ZNF91: variants seen among roughly 807,000 people sequenced by gnomAD.
ZNF91 encodes zinc finger protein 91.
Under a neutral mutation model 12.6 loss-of-function variants are expected in ZNF91, and 7 were observed. The observed-to-expected ratio is 0.55, with a 90% CI of 0.31 to 1.04. The LOEUF (loss-of-function observed/expected upper bound fraction) is 1.04, where lower values mean the gene tolerates loss of function less well. Among genes scored for constraint, ZNF91 ranks in the 50% least tolerant of loss-of-function variants. The pLI is 0.05. For synonymous variants in ZNF91, 453 were observed against 462.6 expected, an observed-to-expected ratio of 0.98 and a Z score of 0.27; for missense variants, 1,217 against 1,385.4, an observed-to-expected ratio of 0.88 and a Z score of 1.93.
At chr19:23,331,296 TAAAG>T (rs1298982428) in intron 1 of ZNF91, among the ~76,000 whole-genome samples, 2 of 152,296 alleles carry the variant, frequency 1.3e-5, no homozygotes, top group African/African-American at 4.8e-5. Context: ...ATTAAGTTAA[TAAAG>T]AAATACAAGT....
chr19:23,340,899 TAACTC>T (rs1221582392), intron 3 of ZNF91, among the ~76,000 whole-genome samples: 3 of 151,660 alleles, frequency 2.0e-5, no homozygotes, highest in African/African-American at 7.2e-5. Flanking sequence ...TACTTACAAA[TAACTC>T]AAACAACTCA....
At chr19:23,335,379 G>T (rs1361337710), downstream of ZNF91, among the ~76,000 whole-genome samples, 3 of 152,220 alleles carry the variant, frequency 2.0e-5, no homozygotes, top group Non-Finnish European at 4.4e-5. Flanking sequence ...TAAGTCTGCA[G>T]AAGTTTCTGC....
rs71163494 is a variant in ZNF91, at chr19:23,368,562, C to CTATATATATATATA, written c.253+5179_253+5180insTATATATATATATA. On this transcript the variant is annotated intron_variant, in intron 3 of 3. Transcript: ENST00000300619. ...TCTCTCTCTCTCTCTCTCTCTCTCT[C>CTATATATATATATA]TATATATATATGAAACACATGACAT... Among the ~76,000 whole-genome samples, 21 of 118,630 alleles carry CTATATATATATATA rather than the reference C, an allele frequency of 1.8e-4. 1 individual carries two copies. Among genetic ancestry groups the CTATATATATATATA allele is most frequent in the South Asian group, 6.5e-4 (2 of 3,090 alleles). The allele number at this position is 118,630 out of a possible 152,430, so 77.8% of individuals were successfully genotyped here.
At chr19:23,380,799 C>A (rs1428327663) in intron 1 of ZNF91, 1 of 152,156 alleles carries the variant, frequency 6.6e-6, no homozygotes, top group African/African-American at 2.4e-5. Flanking sequence ...TCTATCTCTG[C>A]TGCTCTCTAA....
intron 3 of ZNF91, among the ~76,000 whole-genome samples, chr19:23,372,029 T>C (rs1249813969): frequency 6.6e-6 from 1 of 152,226 alleles, no homozygotes; most frequent in Non-Finnish European, 1.5e-5. Flanking sequence ...ATTATGTTAT[T>C]ATTTAGTTAC....
At chr19:23,391,368 C>T (rs1429303078) in intron 1 of ZNF91, among the ~76,000 whole-genome samples, 3 of 152,170 alleles carry the variant, frequency 2.0e-5, no homozygotes, top group African/African-American at 7.2e-5. Flanking sequence ...CCATACAACC[C>T]CATTTTATGT....
In ZNF91 at chr19:23,360,674, G is replaced by A; in HGVS notation, c.2305C>T (p.Pro769Ser). Residue 769 changes from proline (P) to serine (S), a missense_variant, in exon 4 of 4, where the codon CCC becomes TCC. Pro to Ser is a moderately conservative substitution (Grantham distance 74). Around this residue, in one of 2 missense-constraint regions of ZNF91, gnomAD observed 726 missense variants for 895.5 expected, o/e 0.81. Coordinates refer to ENST00000300619, the MANE Select transcript of ZNF91 (RefSeq NM_003430.4). Reference sequence around the variant, plus strand: ...TTGCCACATTCTTTACATTTGAAGGGTTTCTCTCTAGTATGAATTCTTTTA... The same window carrying A: ...TTGCCACATTCTTTACATTTGAAGGATTTCTCTCTAGTATGAATTCTTTTA... ...KHKRIHTREKPFKCKECGKAF... is the reference protein window; with the variant it reads ...KHKRIHTREKSFKCKECGKAF... The A allele has an allele frequency of 6.2e-7, 1 of 1,613,664 alleles. No homozygotes were observed.
intron 3 of ZNF91, among the ~76,000 whole-genome samples, chr19:23,373,346 TTA>T (rs200251921): frequency 0.1 from 8,857 of 84,820 alleles, 323 homozygotes; most frequent in Admixed American, 0.15. Context: ...TCATGTAATC[TTA>T]TATATATATA....
At position 23,395,432 on chromosome 19, in the gene ZNF91, G is replaced by C; in HGVS notation, c.-78C>G. On this transcript the variant is annotated 5_prime_UTR_variant, in exon 1 of 4. Coordinates refer to ENST00000300619, the MANE Select transcript of ZNF91 (RefSeq NM_003430.4). ...CTCCTGGAGCAGAGGACACAGAGCA[G>C]TGAAGTCGAGACCTGGAAACTCCGG... 2 of 1,555,996 alleles carry C rather than the reference G, an allele frequency of 1.3e-6. No individual in the cohort carries two copies. The highest frequency in any genetic ancestry group is 8.8e-7 in the Non-Finnish European group (1 of 1,141,348).
Position 23,374,716 on chromosome 19 carries a change from A to G in ZNF91, c.79T>C (p.Trp27Arg). The G allele has an allele frequency of 6.2e-7, 1 of 1,613,026 alleles. No homozygotes were observed. The highest frequency in any genetic ancestry group is 1.1e-5 in the South Asian group (1 of 91,042). ...DVAIEFSPEE[W>R]QCLDTAQQNL... is the part of the protein sequence containing the mutation. ...TGCTGTGCAGTGTCCAGACATTGCC[A>G]CTCCTCCGGAGAGAATTCTATGGCC... Residue 27 changes from tryptophan (W) to arginine (R), a missense_variant, in exon 2 of 4, where the codon TGG (tryptophan) becomes CGG (arginine). Physicochemically the swap from Trp to Arg is moderately radical, Grantham distance 101 (BLOSUM62 -3). Transcript: ENST00000300619.
intron 3 of ZNF91, among the ~76,000 whole-genome samples, chr19:23,366,576 C>T (rs1414137157): frequency 1.3e-5 from 2 of 152,168 alleles, no homozygotes; most frequent in Admixed American, 6.5e-5. Flanking sequence ...AAGTCTGTGC[C>T]AGCATCTGCT....
At chr19:23,336,756 A>ATTAT (rs912942436), downstream of ZNF91, among the ~76,000 whole-genome samples, 2 of 152,072 alleles carry the variant, frequency 1.3e-5, no homozygotes, top group Non-Finnish European at 1.5e-5. Flanking sequence ...ATCTGCCTAA[A>ATTAT]TTATTTATTT....
At chr19:23,334,742 T>C (rs1005499253), downstream of ZNF91, among the ~76,000 whole-genome samples, 1 of 152,164 alleles carries the variant, frequency 6.6e-6, no homozygotes, top group Admixed American at 6.5e-5. Flanking sequence ...TGGAGATATA[T>C]GTAAAATAAT....
At chr19:23,313,386 G>T, upstream of ZNF91, among the ~76,000 whole-genome samples, 1 of 152,210 alleles carries the variant, frequency 6.6e-6, no homozygotes, top group East Asian at 1.9e-4. Context: ...AGGGGGGATT[G>T]TGACCTGTGA....
At chr19:23,323,234 TCTC>T (rs761905688) in intron 1 of ZNF91, among the ~76,000 whole-genome samples, 43 of 145,850 alleles carry the variant, frequency 2.9e-4, no homozygotes, top group African/African-American at 1.1e-3. Flanking sequence ...CTCTCCTTCT[TCTC>T]CTCTCCTTTC....
intron 1 of ZNF91, among the ~76,000 whole-genome samples, chr19:23,382,042 C>T (rs1969735761): frequency 7.9e-6 from 1 of 126,182 alleles, no homozygotes; most frequent in African/African-American, 3.3e-5. Flanking sequence ...TAAAGACAAT[C>T]CTGAGACAAA....
downstream of ZNF91, among the ~76,000 whole-genome samples, chr19:23,337,279 ATT>A (rs1007675600): frequency 1.3e-5 from 2 of 151,918 alleles, no homozygotes; most frequent in Non-Finnish European, 2.9e-5. Flanking sequence ...CCAATAAAAC[ATT>A]TGTTTTATAT....
At chr19:23,386,468 A>C (rs1408060583) in intron 1 of ZNF91, among the ~76,000 whole-genome samples, 1 of 152,228 alleles carries the variant, frequency 6.6e-6, no homozygotes, top group Non-Finnish European at 1.5e-5. Context: ...AAACTCATAG[A>C]TGAATGTAAC....
chr19:23,337,555 TATAAAGACAC>T (rs1181290534), downstream of ZNF91, among the ~76,000 whole-genome samples: 2 of 149,004 alleles, frequency 1.3e-5, no homozygotes, highest in South Asian at 4.2e-4. Context: ...CAGAAATCAA[TATAAAGACAC>T]ATAAAGACAC....
Sources: allele counts gnomAD v4.1 joint callset (sites outside exome capture counted in the v4.1 genomes callset), GRCh38; gene constraint gnomAD v4.1.1; regional missense constraint gnomAD v4.1.1; transcripts MANE v1.5; gene names NCBI Gene and HGNC (gene_info 2026-07-23, HGNC 2026-07-21).